The following CHST8 variants were observed in gnomAD, a reference collection of about 807,000 sequenced individuals.
CHST8 encodes the protein GALNAC-4-ST1.
In CHST8, 10 loss-of-function variants were observed where a neutral mutation model predicts 15.0. The ratio of observed to expected loss-of-function variants is 0.67; its 90% CI spans 0.41 to 1.13. The LOEUF is 1.13. Among genes scored for constraint, CHST8 ranks in the 50% most tolerant of loss-of-function variants. The pLI is 0.00. For synonymous variants in CHST8, 259 were observed against 256.6 expected, an observed-to-expected ratio of 1.01 and a Z score of -0.09; for missense variants, 634 against 608.2, an observed-to-expected ratio of 1.04 and a Z score of -0.45.
intron 3 of CHST8, among the ~76,000 whole-genome samples, chr19:33,725,086 T>G (rs1238069801): frequency 3.9e-5 from 6 of 151,994 alleles, no homozygotes. Context: ...GGCGCTGTTA[T>G]GAGGGACATG....
chr19:33,636,458 G>C (rs994690290), intron 1 of CHST8, among the ~76,000 whole-genome samples: 4 of 152,178 alleles, frequency 2.6e-5, no homozygotes, highest in African/African-American at 9.7e-5. Flanking sequence ...GTATGTGCGT[G>C]AGTGCCTGAG....
intron 1 of CHST8, among the ~76,000 whole-genome samples, chr19:33,635,417 G>A (rs949487605): frequency 1.3e-4 from 20 of 152,034 alleles, no homozygotes; most frequent in African/African-American, 4.6e-4. Flanking sequence ...AGGCAGTTTC[G>A]TATACACAAC....
intron 3 of CHST8, among the ~76,000 whole-genome samples, chr19:33,691,845 G>A (rs1052231561): frequency 2.0e-4 from 30 of 152,226 alleles, no homozygotes; most frequent in Non-Finnish European, 3.5e-4. Flanking sequence ...AGGGCTGGGA[G>A]TGGAGATGAG....
intron 3 of CHST8, among the ~76,000 whole-genome samples, chr19:33,735,845 C>A (rs750397874): frequency 2.8e-4 from 42 of 152,154 alleles, no homozygotes; most frequent in Admixed American, 5.9e-4. Context: ...AAAAACAAAC[C>A]AAAATCACAT....
intron 3 of CHST8, among the ~76,000 whole-genome samples, chr19:33,746,222 T>C (rs376529203): frequency 1.3e-5 from 2 of 152,358 alleles, no homozygotes; most frequent in East Asian, 1.9e-4. Flanking sequence ...TTTTTATCAA[T>C]TTGATTGAGG....
At chr19:33,764,522 A>G (rs889674543) in intron 3 of CHST8, among the ~76,000 whole-genome samples, 3 of 151,776 alleles carry the variant, frequency 2.0e-5, no homozygotes, top group African/African-American at 7.3e-5. Context: ...ACAAAAAAAC[A>G]CTCTTAAAGC....
chr19:33,751,398 C>A (rs1488813506), intron 3 of CHST8, among the ~76,000 whole-genome samples: 1 of 152,232 alleles, frequency 6.6e-6, no homozygotes, highest in Non-Finnish European at 1.5e-5. Flanking sequence ...GTTAATTGTG[C>A]TCAGATATGC....
intron 2 of CHST8, among the ~76,000 whole-genome samples, chr19:33,677,533 C>G (rs1600255472): frequency 6.6e-6 from 1 of 152,184 alleles, no homozygotes; most frequent in East Asian, 1.9e-4. Flanking sequence ...TGGGACCCAG[C>G]AGCCCATTCC....
chr19:33,658,169 G>C (rs74699160), intron 1 of CHST8, among the ~76,000 whole-genome samples: 2 of 152,098 alleles, frequency 1.3e-5, no homozygotes, highest in East Asian at 1.9e-4. Flanking sequence ...GTAAAAGCCT[G>C]TCTCTACCAC....
intron 3 of CHST8, among the ~76,000 whole-genome samples, chr19:33,761,073 T>C (rs1974715721): frequency 6.6e-6 from 1 of 152,170 alleles, no homozygotes; most frequent in Non-Finnish European, 1.5e-5. Context: ...GCTGTCAACA[T>C]CCCACGTGGG....
chr19:33,635,920 A>G (rs1190105213), intron 1 of CHST8, among the ~76,000 whole-genome samples: 1 of 152,140 alleles, frequency 6.6e-6, no homozygotes, highest in East Asian at 1.9e-4. Flanking sequence ...AAAATAGGGC[A>G]AAAATGAATC....
Position 33,678,043 on chromosome 19 carries a change from A to G in CHST8, c.-87+10200A>G, listed in dbSNP as rs150255106. 3.8e-3 allele frequency among the ~76,000 whole-genome samples: 585 copies of G among 152,250 alleles called. 1 individual carries two copies. Among genetic ancestry groups the G allele is most frequent in the African/African-American group, 0.013 (556 of 41,536 alleles). On this transcript the variant is annotated intron_variant, in intron 2 of 4. Coordinates refer to ENST00000650847, the MANE Select transcript of CHST8 (RefSeq NM_001127895.2). ...CACCGAGGGACTGGGAAAGAAAGAC[A>G]GGACACATGTTCAGAAGGCCAGATC...
rs1035685837 is a variant in CHST8, at chr19:33,718,272, A to G, written c.130+28881A>G. On this transcript the variant is annotated intron_variant, in intron 3 of 4. Coordinates refer to ENST00000650847, the MANE Select transcript of CHST8 (RefSeq NM_001127895.2). ...CTTGCTCTGTTGCCCAGGCTGGACT[A>G]CAGTGGCCCAATCATAGCTCACTGC... 3.8e-5 allele frequency among the ~76,000 whole-genome samples: 4 copies of G among 105,160 alleles called. No homozygotes were observed. The East Asian group carries it at 2.6e-3, about 69-fold the overall frequency. 69.0% of individuals were successfully genotyped at this position (105,160 alleles called of 152,430 possible). A position where few individuals can be genotyped will look rare whatever the true frequency, so the allele number is the denominator to read the frequency against.
At chr19:33,764,830 A>G (rs887677696) in intron 3 of CHST8, among the ~76,000 whole-genome samples, 1 of 151,908 alleles carries the variant, frequency 6.6e-6, no homozygotes, top group Non-Finnish European at 1.5e-5. Flanking sequence ...GTAGTTTTTT[A>G]TCCTTCACCC....
At chr19:33,761,759 G>A (rs1352601247) in intron 3 of CHST8, among the ~76,000 whole-genome samples, 2 of 152,034 alleles carry the variant, frequency 1.3e-5, no homozygotes, top group Non-Finnish European at 2.9e-5. Context: ...GATCACTTGA[G>A]CCCAGGAGTT....
At chr19:33,771,694 C>T (rs1974985987) in intron 4 of CHST8, among the ~76,000 whole-genome samples, 1 of 152,158 alleles carries the variant, frequency 6.6e-6, no homozygotes, top group Admixed American at 6.5e-5. Flanking sequence ...TGCAGGCCAC[C>T]TATTCCCGCC....
chr19:33,622,778 G>A (rs954762294), intron 1 of CHST8, among the ~76,000 whole-genome samples: 3 of 152,174 alleles, frequency 2.0e-5, no homozygotes, highest in Non-Finnish European at 4.4e-5. Flanking sequence ...AAGTGGCCTT[G>A]GCTTCCTACC....
At chr19:33,622,879 G>A (rs935507560) in intron 1 of CHST8, among the ~76,000 whole-genome samples, 2 of 152,106 alleles carry the variant, frequency 1.3e-5, no homozygotes, top group Non-Finnish European at 2.9e-5. Flanking sequence ...GTCAGCGATG[G>A]TGTGAAGGTG....
chr19:33,678,383 A>G (rs938766887), intron 2 of CHST8, among the ~76,000 whole-genome samples: 5 of 152,164 alleles, frequency 3.3e-5, no homozygotes, highest in African/African-American at 1.2e-4. Flanking sequence ...CCATATTCTT[A>G]GTCTTGAGCC....
Sources: allele counts gnomAD v4.1 joint callset (sites outside exome capture counted in the v4.1 genomes callset), GRCh38; gene constraint gnomAD v4.1.1; transcripts MANE v1.5; gene names NCBI Gene and HGNC (gene_info 2026-07-23, HGNC 2026-07-21).